The following FRMD3 variants were observed in gnomAD, a reference collection of about 807,000 sequenced individuals.
FRMD3 encodes the protein FERM domain-containing protein 3.
A neutral mutation model predicts 70.2 loss-of-function variants in FRMD3; 33 were observed. The ratio of observed to expected loss-of-function variants is 0.47; its 90% CI spans 0.36 to 0.63. The LOEUF (loss-of-function observed/expected upper bound fraction) is 0.63, where lower values mean the gene tolerates loss of function less well. Among genes scored for constraint, FRMD3 ranks in the 20% least tolerant of loss-of-function variants. The pLI is 0.00. For missense variants in FRMD3, 632 were observed against 711.4 expected (o/e 0.89, Z 1.27); for synonymous variants, 279 against 255.9 (o/e 1.09, Z -0.86).
chr9:83,314,200 T>C (rs1322169427), intron 6 of FRMD3, among the ~76,000 whole-genome samples: 6 of 152,134 alleles, frequency 3.9e-5, no homozygotes, highest in African/African-American at 1.4e-4. Context: ...GCCAAAAGAA[T>C]TGTCAACCAT....
intron 1 of FRMD3, among the ~76,000 whole-genome samples, chr9:83,411,657 G>A (rs550228123): frequency 6.6e-6 from 1 of 152,330 alleles, no homozygotes; most frequent in South Asian, 2.1e-4. Context: ...ACAAACCCGA[G>A]TCTCTTCATT....
chr9:83,361,346 A>G (rs1317382010), intron 3 of FRMD3, among the ~76,000 whole-genome samples: 4 of 152,264 alleles, frequency 2.6e-5, no homozygotes, highest in Admixed American at 2.6e-4. Context: ...ATACAAAGCC[A>G]TGGAACAGGT....
At chr9:83,495,259 C>A (rs1372505871) in intron 1 of FRMD3, among the ~76,000 whole-genome samples, 1 of 152,078 alleles carries the variant, frequency 6.6e-6, no homozygotes, top group Non-Finnish European at 1.5e-5. Context: ...AAGAAGAGGA[C>A]AAGTTTCCAG....
At chr9:83,258,271 T>C (rs1287776588) in intron 13 of FRMD3, among the ~76,000 whole-genome samples, 1 of 152,220 alleles carries the variant, frequency 6.6e-6, no homozygotes, top group African/African-American at 2.4e-5. Context: ...AGAGACCTTT[T>C]CAGTGCACAG....
At chr9:83,258,602 G>A (rs1334074601) in intron 13 of FRMD3, among the ~76,000 whole-genome samples, 1 of 152,188 alleles carries the variant, frequency 6.6e-6, no homozygotes, top group Non-Finnish European at 1.5e-5. Flanking sequence ...AAGCACTTTG[G>A]GGACAATATG....
intron 8 of FRMD3, among the ~76,000 whole-genome samples, chr9:83,311,462 G>A (rs148691126): frequency 2.0e-5 from 3 of 152,066 alleles, no homozygotes; most frequent in Admixed American, 1.3e-4. Flanking sequence ...GCATCTTCAC[G>A]GATACACTGG....
intron 1 of FRMD3, among the ~76,000 whole-genome samples, chr9:83,459,948 G>C (rs982702484): frequency 6.6e-6 from 1 of 152,266 alleles, no homozygotes; most frequent in Non-Finnish European, 1.5e-5. Context: ...ATGCGCACTG[G>C]AGAAGAGAAA....
chr9:83,583,984 G>A, the FRMD3 span, among the ~76,000 whole-genome samples: 12 of 152,194 alleles, frequency 7.9e-5, no homozygotes, highest in East Asian at 1.5e-3. Context: ...AGCCTCCTTC[G>A]ATAGTGATTC....
chr9:83,563,120 T>C, the FRMD3 span, among the ~76,000 whole-genome samples: 1 of 152,176 alleles, frequency 6.6e-6, no homozygotes, highest in African/African-American at 2.4e-5. Context: ...CTCTGGCATC[T>C]AGGATAGAGT....
At position 83,245,085 on chromosome 9, in the gene FRMD3, GAGA is replaced by G; in HGVS notation, c.*2830_*2832del. The G allele has an allele frequency of 1.0e-6, 1 of 985,272 alleles. No individual in the cohort carries two copies. The highest frequency in any genetic ancestry group is 4.7e-5 in the South Asian group (1 of 21,282). 61.0% of individuals were successfully genotyped at this position (985,272 alleles called of 1,614,324 possible). On this transcript the variant is annotated 3_prime_UTR_variant, in exon 14 of 14. Coordinates refer to ENST00000304195, the MANE Select transcript of FRMD3 (RefSeq NM_174938.6). ...TTTACCCACCATAGTATCTGAGAGG[GAGA>G]AGAACCAATAATACATCTCAAATTC...
chr9:83,260,595 T>C (rs1234135751), intron 13 of FRMD3, among the ~76,000 whole-genome samples: 1 of 152,174 alleles, frequency 6.6e-6, no homozygotes, highest in African/African-American at 2.4e-5. Flanking sequence ...AAATAAATTT[T>C]ATGATAACTT....
In FRMD3 at chr9:83,452,280, T is replaced by G. The variant is rs866088476; in HGVS notation, c.148-62572A>C. On this transcript the variant is annotated intron_variant, in intron 1 of 13. Transcript: ENST00000304195. ...TCAGAATGAGTTGGCCCGATCTCTTTGTAGTTCACAAGCATGGTGATTGGG... is the reference window on the plus strand; with the variant it reads ...TCAGAATGAGTTGGCCCGATCTCTTGGTAGTTCACAAGCATGGTGATTGGG... 4.9e-4 allele frequency among the ~76,000 whole-genome samples: 74 copies of G among 152,314 alleles called. 1 individual carries two copies. Among genetic ancestry groups the G allele is most frequent in the Middle Eastern group, 3.4e-3 (1 of 294 alleles).
At chr9:83,384,646 T>A (rs79131404) in intron 2 of FRMD3, among the ~76,000 whole-genome samples, 1,754 of 152,284 alleles carry the variant, frequency 0.012, 33 homozygotes, top group African/African-American at 0.037. Context: ...GCATCCATGA[T>A]TTCCAGCTCA....
rs140138028 is a variant in FRMD3, at chr9:83,281,141, T to G, written c.1195+9462A>C. Among the ~76,000 whole-genome samples, 934 of 152,286 alleles carry G rather than the reference T, an allele frequency of 6.1e-3. 8 individuals are homozygous for G. Among genetic ancestry groups the G allele is most frequent in the South Asian group, 0.011 (52 of 4,818 alleles). ...GAGGGAGAGGCTCTGAGATCCTGTC[T>G]CAATTTAAGCTTGGGGATTGCAAAG... is the stretch of plus-strand genomic sequence containing the variant. On this transcript the variant is annotated intron_variant, in intron 13 of 13. Coordinates refer to ENST00000304195, the MANE Select transcript of FRMD3 (RefSeq NM_174938.6).
Position 83,335,525 on chromosome 9 carries a change from T to G in FRMD3, c.587A>C (p.Asn196Thr). ...TCTACTCAGTAATTACCTGAGTTCA[T>G]TTTTATGAATTTCCACTATTTTTCT... ...LERKIVEIHKNELRGQSPPVA... is the reference protein window; with the variant it reads ...LERKIVEIHKTELRGQSPPVA... The change falls in exon 6 of 14, where the codon AAT becomes ACT. Residue 196 changes from asparagine (N) to threonine (T), a missense_variant. By Grantham distance (65) the Asn-to-Thr change is moderately conservative (BLOSUM62 0). This residue lies in a region of FRMD3 where 208 missense variants were observed against 247.7 expected (regional missense o/e 0.84). Transcript: ENST00000304195. The G allele has an allele frequency of 6.2e-7, 1 of 1,612,098 alleles. No individual in the cohort carries two copies. Among genetic ancestry groups the G allele is most frequent in the Non-Finnish European group, 8.5e-7 (1 of 1,178,650 alleles).
Position 83,246,868 on chromosome 9 carries a change from A to G in FRMD3, c.*1050T>C, listed in dbSNP as rs1464356200. The G allele has an allele frequency of 1.2e-5, 12 of 985,134 alleles. No homozygotes were observed. The highest frequency in any genetic ancestry group is 1.4e-5 in the Non-Finnish European group (12 of 829,908). 61.0% of individuals were successfully genotyped at this position (985,134 alleles called of 1,614,324 possible). ...ATCATCGAACGCTGGCATCACCATCACTTTCATAAAATAGACCATTCGCCT... is the reference window on the plus strand; with the variant it reads ...ATCATCGAACGCTGGCATCACCATCGCTTTCATAAAATAGACCATTCGCCT... On this transcript the variant is annotated 3_prime_UTR_variant, in exon 14 of 14. Coordinates refer to ENST00000304195, the MANE Select transcript of FRMD3 (RefSeq NM_174938.6).
rs1564032755 is a variant in FRMD3, at chr9:83,357,261, ATAT to A, written c.296-7507_296-7505del. Among the ~76,000 whole-genome samples the A allele has an allele frequency of 5.0e-4, 28 of 56,394 alleles. 9 individuals carry two copies. The highest frequency in any genetic ancestry group is 2.8e-3 in the African/African-American group (28 of 9,940). 37.0% of individuals were successfully genotyped at this position (56,394 alleles called of 152,430 possible). The stretch of plus-strand genomic sequence containing the variant: ...ATAATACATACATATATATATATAT[ATAT>A]ATATATATATATATATATATATATA... On this transcript the variant is annotated intron_variant, in intron 3 of 13. Transcript: ENST00000304195.
chr9:83,533,527 A>T (rs966690832), intron 1 of FRMD3, among the ~76,000 whole-genome samples: 6 of 152,210 alleles, frequency 3.9e-5, no homozygotes, highest in African/African-American at 1.4e-4. Context: ...GCTGGTTGGT[A>T]ACATAACTAA....
At chr9:83,445,343 T>TAGATAGAC (rs1827424915) in intron 1 of FRMD3, among the ~76,000 whole-genome samples, 1 of 135,706 alleles carries the variant, frequency 7.4e-6, no homozygotes, top group South Asian at 2.3e-4. Context: ...CAAAAATAAA[T>TAGATAGAC]AGATAGATAG....
Sources: allele counts gnomAD v4.1 joint callset (sites outside exome capture counted in the v4.1 genomes callset), GRCh38; gene constraint gnomAD v4.1.1; regional missense constraint gnomAD v4.1.1; transcripts MANE v1.5; gene names NCBI Gene and HGNC (gene_info 2026-07-23, HGNC 2026-07-21).